The following STXBP5L variants were observed in gnomAD, a reference collection of about 807,000 sequenced individuals.
STXBP5L encodes syntaxin-binding protein 5-like.
In STXBP5L, 65 loss-of-function variants were observed where a neutral mutation model predicts 144.5. The observed-to-expected ratio is 0.45, with a 90% CI of 0.37 to 0.55. The LOEUF is 0.55. Ranked by LOEUF, STXBP5L falls within the 20% of genes least tolerant of loss-of-function variation. The probability of loss-of-function intolerance (pLI) is 0.00; values close to 1 mark genes in which losing one functional copy is unlikely to be tolerated. For missense variants in STXBP5L, 1,298 were observed against 1,405.5 expected (o/e 0.92, Z 1.22); for synonymous variants, 505 against 469.6 (o/e 1.08, Z -0.97).
At chr3:121,370,942 G>T (rs948411289) in intron 20 of STXBP5L, among the ~76,000 whole-genome samples, 3 of 152,006 alleles carry the variant, frequency 2.0e-5, no homozygotes, top group African/African-American at 7.2e-5. Flanking sequence ...TTTTAGGTTG[G>T]GTTTCAACAT....
At chr3:121,228,851 T>G (rs1209981882) in intron 11 of STXBP5L, among the ~76,000 whole-genome samples, 3 of 152,292 alleles carry the variant, frequency 2.0e-5, no homozygotes, top group African/African-American at 7.2e-5. Flanking sequence ...CACTCCAACC[T>G]GGGCGATAGA....
chr3:121,267,872 A>T (rs551063350), intron 18 of STXBP5L, among the ~76,000 whole-genome samples: 105 of 152,336 alleles, frequency 6.9e-4, no homozygotes, highest in Admixed American at 1.1e-3. Context: ...ATCTCACGCC[A>T]GTTAGAATGG....
At chr3:121,212,918 G>C (rs1430734096) in intron 10 of STXBP5L, among the ~76,000 whole-genome samples, 1 of 152,132 alleles carries the variant, frequency 6.6e-6, no homozygotes, top group Admixed American at 6.6e-5. Flanking sequence ...TCTCCTTGAA[G>C]AGGTCCTTCA....
chr3:121,381,819 A>G (rs2046331151), intron 22 of STXBP5L, among the ~76,000 whole-genome samples: 1 of 152,118 alleles, frequency 6.6e-6, no homozygotes, highest in African/African-American at 2.4e-5. Flanking sequence ...GAAAACCTTA[A>G]TGCAAAACTT....
chr3:120,961,842 T>C (rs1002606030), intron 3 of STXBP5L, among the ~76,000 whole-genome samples: 3 of 152,228 alleles, frequency 2.0e-5, no homozygotes, highest in African/African-American at 7.2e-5. Context: ...CCTTGAGGAA[T>C]CGCCACACTG....
At chr3:121,048,554 CTGAG>C (rs578137817) in intron 5 of STXBP5L, among the ~76,000 whole-genome samples, 2 of 152,048 alleles carry the variant, frequency 1.3e-5, no homozygotes, top group Non-Finnish European at 2.9e-5. Flanking sequence ...CTTTCTCTGA[CTGAG>C]TTAGTTCAGA....
At position 120,999,456 on chromosome 3, in the gene STXBP5L, A is replaced by T. The variant is rs532589757; in HGVS notation, c.288-42244A>T. Among the ~76,000 whole-genome samples the T allele has an allele frequency of 1.2e-4, 19 of 152,252 alleles. No homozygotes were observed. The South Asian group carries it at 3.7e-3, about 30-fold the overall frequency. ...TTCTCCATCCCTTTAATTTGATCCT[A>T]TGTGTGTCATTACACGTGACATTGG... On this transcript the variant is annotated intron_variant, in intron 3 of 26. Transcript: ENST00000471454.
intron 20 of STXBP5L, among the ~76,000 whole-genome samples, chr3:121,363,487 T>C (rs750010006): frequency 1.3e-5 from 2 of 152,298 alleles, no homozygotes; most frequent in Non-Finnish European, 2.9e-5. Flanking sequence ...TCTCTGTGGA[T>C]GGACATCAGC....
chr3:121,038,711 G>T (rs940404978), intron 3 of STXBP5L, among the ~76,000 whole-genome samples: 1 of 151,660 alleles, frequency 6.6e-6, no homozygotes, highest in African/African-American at 2.4e-5. Context: ...AACTATAATT[G>T]TGAATTCATC....
At chr3:121,228,298 T>C (rs1375920056) in intron 11 of STXBP5L, among the ~76,000 whole-genome samples, 1 of 152,192 alleles carries the variant, frequency 6.6e-6, no homozygotes, top group Admixed American at 6.6e-5. Context: ...TAGGCTCATA[T>C]ATTCCTTGAG....
intron 3 of STXBP5L, among the ~76,000 whole-genome samples, chr3:121,002,058 C>T (rs905322345): frequency 2.0e-4 from 31 of 152,150 alleles, no homozygotes; most frequent in African/African-American, 6.7e-4. Context: ...ATTTTATTTC[C>T]TTTTTCATAT....
At chr3:121,244,623 G>C (rs747367652) in intron 14 of STXBP5L, among the ~76,000 whole-genome samples, 7 of 151,970 alleles carry the variant, frequency 4.6e-5, no homozygotes, top group Non-Finnish European at 8.8e-5. Context: ...CTCATAAAGA[G>C]ACACATTATA....
chr3:121,319,276 A>G (rs1443738622), intron 20 of STXBP5L, among the ~76,000 whole-genome samples: 2 of 152,184 alleles, frequency 1.3e-5, no homozygotes, highest in African/African-American at 4.8e-5. Context: ...TCTTACAGAC[A>G]AGAAACTGTA....
chr3:121,347,902 A>G (rs910059279), intron 20 of STXBP5L, among the ~76,000 whole-genome samples: 2 of 152,218 alleles, frequency 1.3e-5, no homozygotes, highest in Non-Finnish European at 2.9e-5. Flanking sequence ...GTCATCTGCA[A>G]ACAGGGACAA....
intron 5 of STXBP5L, among the ~76,000 whole-genome samples, chr3:121,060,245 A>AT (rs1396681199): frequency 7.2e-5 from 11 of 151,802 alleles, no homozygotes; most frequent in Admixed American, 2.0e-4. Context: ...GGTTTCTGTC[A>AT]TTTTTTCTGT....
At chr3:121,270,776 T>C in intron 18 of STXBP5L, among the ~76,000 whole-genome samples, 1 of 152,116 alleles carries the variant, frequency 6.6e-6, no homozygotes, top group Non-Finnish European at 1.5e-5. Context: ...TTAACCTTCA[T>C]ATTTTTAGAG....
chr3:121,327,941 A>G (rs1205306749), intron 20 of STXBP5L, among the ~76,000 whole-genome samples: 1 of 152,220 alleles, frequency 6.6e-6, no homozygotes, highest in African/African-American at 2.4e-5. Flanking sequence ...TAAGACAGGC[A>G]GTTTTTCAGG....
chr3:121,205,992 G>A lies in STXBP5L; in HGVS notation c.947G>A (p.Cys316Tyr). 1 of 1,499,646 alleles carries A rather than the reference G, an allele frequency of 6.7e-7. No individual in the cohort carries two copies. Among genetic ancestry groups the A allele is most frequent in the Non-Finnish European group, 8.9e-7 (1 of 1,128,322 alleles). The allele number at this position is 1,499,646 out of a possible 1,614,324, so 92.9% of individuals were successfully genotyped here. A position where few individuals can be genotyped will look rare whatever the true frequency, so the allele number is the denominator to read the frequency against. The change falls in exon 10 of 27, where the codon TGC becomes TAC. Residue 316 changes from cysteine to tyrosine, a missense_variant. Physicochemically the swap from Cys to Tyr is radical, Grantham distance 194. Transcript: ENST00000471454. ...ATTCTTAAAGTAGAATACAAGACCT[G>A]CAAAAACAGGTATGCATTTTTACTT... ...KPILKVEYKTCKNSEPFIIFS... is the reference protein window; with the variant it reads ...KPILKVEYKTYKNSEPFIIFS...
chr3:121,375,230 G>C (rs1486171322), intron 20 of STXBP5L, among the ~76,000 whole-genome samples: 2 of 152,278 alleles, frequency 1.3e-5, no homozygotes, highest in East Asian at 1.9e-4. Flanking sequence ...TCTTGGAACA[G>C]ATATAAACAT....
Sources: allele counts gnomAD v4.1 joint callset (sites outside exome capture counted in the v4.1 genomes callset), GRCh38; gene constraint gnomAD v4.1.1; transcripts MANE v1.5; gene names NCBI Gene and HGNC (gene_info 2026-07-23, HGNC 2026-07-21).